Variants in FRMD4A observed in about 807,000 individuals in gnomAD.
The protein encoded by FRMD4A is FERM domain containing 4A, also known as FERM domain-containing protein 4A.
FRMD4A carries 29 observed loss-of-function variants against 129.1 expected under a neutral mutation model. That is an observed-to-expected ratio of 0.22 (90% CI 0.17 to 0.31). The LOEUF (loss-of-function observed/expected upper bound fraction) is 0.31, where lower values mean the gene tolerates loss of function less well. Ranked by LOEUF, FRMD4A falls within the 10% of genes least tolerant of loss-of-function variation. FRMD4A has a pLI of 1.00. For missense variants in FRMD4A, 1,272 were observed against 1,375.8 expected (o/e 0.92, Z 1.19); for synonymous variants, 634 against 571.6 (o/e 1.11, Z -1.56).
At chr10:13,797,235 G>C (rs2093139865) in intron 4 of FRMD4A, among the ~76,000 whole-genome samples, 1 of 152,174 alleles carries the variant, frequency 6.6e-6, no homozygotes, top group Non-Finnish European at 1.5e-5. Context: ...CACACTCCCA[G>C]GTGCCTTTTT....
At chr10:13,744,604 C>G (rs975246866) in intron 9 of FRMD4A, 1 of 152,176 alleles carries the variant, frequency 6.6e-6, no homozygotes, top group African/African-American at 2.4e-5. Context: ...GATGCTAAGA[C>G]CCACTGCCTT....
intron 2 of FRMD4A, among the ~76,000 whole-genome samples, chr10:13,999,230 C>G (rs1355258283): frequency 1.3e-5 from 2 of 152,156 alleles, no homozygotes; most frequent in East Asian, 3.8e-4. Context: ...CTGCTCCTTA[C>G]TCTGCTTTAT....
At chr10:13,938,659 G>A (rs1044816380) in intron 2 of FRMD4A, among the ~76,000 whole-genome samples, 1 of 152,210 alleles carries the variant, frequency 6.6e-6, no homozygotes, top group African/African-American at 2.4e-5. Context: ...ACAGGGCACA[G>A]AAGGGTTAAC....
intron 3 of FRMD4A, among the ~76,000 whole-genome samples, chr10:13,842,829 T>G (rs1220333990): frequency 6.6e-6 from 1 of 152,074 alleles, no homozygotes; most frequent in African/African-American, 2.4e-5. Flanking sequence ...ACCCTGCCTC[T>G]AAAAAAAATA....
At chr10:13,915,716 G>C (rs2094994978) in intron 2 of FRMD4A, among the ~76,000 whole-genome samples, 1 of 151,534 alleles carries the variant, frequency 6.6e-6, no homozygotes, top group South Asian at 2.1e-4. Flanking sequence ...ACTGCACAAA[G>C]GGCTTTGTGC....
intron 2 of FRMD4A, among the ~76,000 whole-genome samples, chr10:13,919,431 G>GA (rs1250321378): frequency 6.6e-6 from 1 of 152,082 alleles, no homozygotes; most frequent in Non-Finnish European, 1.5e-5. Flanking sequence ...AGAAAACTTA[G>GA]AAAAATCTTC....
chr10:14,199,070 TC>T (rs1842554860), intron 2 of FRMD4A, among the ~76,000 whole-genome samples: 1 of 152,072 alleles, frequency 6.6e-6, no homozygotes, highest in South Asian at 2.1e-4. Context: ...TCCTTTCTTA[TC>T]CAGTCCATTT....
intron 2 of FRMD4A, among the ~76,000 whole-genome samples, chr10:14,024,432 G>C (rs988988127): frequency 6.6e-6 from 1 of 152,156 alleles, no homozygotes; most frequent in African/African-American, 2.4e-5. Flanking sequence ...TGAATGTCCC[G>C]ATTTGCTCTC....
At chr10:14,027,432 A>G (rs1024056343) in intron 2 of FRMD4A, among the ~76,000 whole-genome samples, 2 of 152,216 alleles carry the variant, frequency 1.3e-5, no homozygotes, top group African/African-American at 4.8e-5. Flanking sequence ...CCTGACCAAT[A>G]TGATGAAACC....
intron 3 of FRMD4A, among the ~76,000 whole-genome samples, chr10:13,819,889 T>A (rs1018993009): frequency 1.3e-5 from 2 of 152,090 alleles, no homozygotes; most frequent in African/African-American, 2.4e-5. Flanking sequence ...ACCCAGCTAA[T>A]TTTTTTGTGT....
rs181801426 is a variant in FRMD4A at position 13,779,568 on chromosome 10, A to G, written c.384+3354T>C. Among the ~76,000 whole-genome samples, 316 of 152,340 alleles carry G rather than the reference A, an allele frequency of 2.1e-3. 2 individuals carry two copies. Among genetic ancestry groups the G allele is most frequent in the African/African-American group, 6.6e-3 (276 of 41,582 alleles). Reference sequence around the variant, plus strand: ...CTGACATTTTACCCAGGTAAGAGGTAGAACTTAAGCTGTGAATTCAGAAAA... The same window carrying G: ...CTGACATTTTACCCAGGTAAGAGGTGGAACTTAAGCTGTGAATTCAGAAAA... On this transcript the variant is annotated intron_variant, in intron 6 of 24. Transcript: ENST00000357447.
intron 12 of FRMD4A, among the ~76,000 whole-genome samples, chr10:13,732,744 C>T (rs979697352): frequency 2.6e-5 from 4 of 152,214 alleles, no homozygotes; most frequent in Admixed American, 6.5e-5. Context: ...GAGTGGCATC[C>T]CCTGGAGTGC....
chr10:14,216,468 C>G (rs1175607593), intron 2 of FRMD4A, among the ~76,000 whole-genome samples: 1 of 152,114 alleles, frequency 6.6e-6, no homozygotes, highest in Non-Finnish European at 1.5e-5. Context: ...CTCAGGAGTT[C>G]AAGACCAGCC....
chr10:14,003,175 G>A lies in FRMD4A; in HGVS notation c.46-144263C>T, dbSNP rs181083235. On this transcript the variant is annotated intron_variant, in intron 2 of 24. Transcript: ENST00000357447. ...GGCAACACGCAGGCAAGAGATGGTG[G>A]CGGGCTGCACCACGGAATAGAGGAG... Among the ~76,000 whole-genome samples, 31 of 152,320 alleles carry A rather than the reference G, an allele frequency of 2.0e-4. No homozygotes were observed. In the East Asian group the frequency reaches 6.0e-3, roughly 29 times the overall value.
At chr10:14,095,345 A>G (rs561947702) in intron 2 of FRMD4A, among the ~76,000 whole-genome samples, 1 of 152,286 alleles carries the variant, frequency 6.6e-6, no homozygotes, top group Non-Finnish European at 1.5e-5. Context: ...CCTGCTAGCC[A>G]TCACTTTCAT....
chr10:13,841,460 G>T (rs7894550), intron 3 of FRMD4A, among the ~76,000 whole-genome samples: 123,293 of 152,148 alleles, frequency 0.81, 50,216 homozygotes, highest in East Asian at 0.96. Flanking sequence ...TGTGTGACCA[G>T]CTTGACCTCC....
At chr10:13,822,671 C>T (rs1216045587) in intron 3 of FRMD4A, among the ~76,000 whole-genome samples, 1 of 152,150 alleles carries the variant, frequency 6.6e-6, no homozygotes, top group African/African-American at 2.4e-5. Flanking sequence ...CCAGGTGTCG[C>T]ATGCTCACTG....
chr10:13,663,732 C>CCTA, intron 18 of FRMD4A, among the ~76,000 whole-genome samples: 1 of 152,134 alleles, frequency 6.6e-6, no homozygotes, highest in East Asian at 1.9e-4. Context: ...GCCCATGTGC[C>CCTA]CTAGCCTTTG....
rs66980805 is a variant in FRMD4A at position 13,925,566 on chromosome 10, CTTTTTTTTTTTTTTTTTTT to C, written c.46-66673_46-66655del. On this transcript the variant is annotated intron_variant, in intron 2 of 24. Transcript: ENST00000357447. ...TGAAAGTTTCTATTGTAGTGAAACG[CTTTTTTTTTTTTTTTTTTT>C]TTTTTTTTTTTTTTTTGAGATGGAG... 4.7e-4 allele frequency among the ~76,000 whole-genome samples: 29 copies of C among 61,950 alleles called. 1 individual carries two copies. In the South Asian group the frequency reaches 8.2e-3, roughly 17 times the overall value. The allele number at this position is 61,950 out of a possible 152,430, so 40.6% of individuals were successfully genotyped here.
Sources: allele counts gnomAD v4.1 joint callset (sites outside exome capture counted in the v4.1 genomes callset), GRCh38; gene constraint gnomAD v4.1.1; transcripts MANE v1.5; gene names NCBI Gene and HGNC (gene_info 2026-07-23, HGNC 2026-07-21).